UNC5D: variants seen among roughly 807,000 people sequenced by gnomAD.
UNC5D encodes unc-5 netrin receptor D, also known as netrin receptor UNC5D.
UNC5D carries 39 observed loss-of-function variants against 105.4 expected under a neutral mutation model. That is an observed-to-expected ratio of 0.37 (90% CI 0.29 to 0.48). The LOEUF is 0.48. Among genes scored for constraint, UNC5D ranks in the 20% least tolerant of loss-of-function variants. UNC5D has a pLI of 0.98. For missense variants in UNC5D, 991 were observed against 1,202.4 expected (o/e 0.82, Z 2.60); for synonymous variants, 452 against 450.4 (o/e 1.00, Z -0.04).
At chr8:35,671,653 G>T (rs1360481071) in intron 4 of UNC5D, among the ~76,000 whole-genome samples, 1 of 152,080 alleles carries the variant, frequency 6.6e-6, no homozygotes, top group Non-Finnish European at 1.5e-5. Flanking sequence ...GTTTGAATTT[G>T]GTTGTTTTGC....
At chr8:35,507,191 G>A (rs1812373756) in intron 1 of UNC5D, among the ~76,000 whole-genome samples, 1 of 149,936 alleles carries the variant, frequency 6.7e-6, no homozygotes, top group South Asian at 2.1e-4. Context: ...AAGTAGCTGG[G>A]ACTACAGGCG....
chr8:35,525,528 A>G, intron 1 of UNC5D: 11 of 1,612,300 alleles, frequency 6.8e-6, no homozygotes, highest in Non-Finnish European at 8.5e-6. Context: ...GAGTGAAGCT[A>G]GGGGAGGAGG....
At chr8:35,253,562 C>G (rs958666458) in intron 1 of UNC5D, among the ~76,000 whole-genome samples, 1 of 145,152 alleles carries the variant, frequency 6.9e-6, no homozygotes, top group Non-Finnish European at 1.5e-5. Context: ...TCTCAGCTCA[C>G]TGCAACCTCC....
At chr8:35,244,851 A>AT (rs745310550) in intron 1 of UNC5D, among the ~76,000 whole-genome samples, 44 of 145,414 alleles carry the variant, frequency 3.0e-4, no homozygotes, top group African/African-American at 4.8e-4. Context: ...TTCTCTGCAC[A>AT]TTTTTTTTTT....
In UNC5D at chr8:35,644,863, T is replaced by A. The variant is rs746741282; in HGVS notation, c.571-38684T>A. The stretch of plus-strand genomic sequence containing the variant: ...TTTATGTCTAGGATTTTCATTGACA[T>A]AGACACATATCAAAAAGTGAGACTT... On this transcript the variant is annotated intron_variant, in intron 4 of 16. Transcript: ENST00000404895. 2.0e-5 allele frequency among the ~76,000 whole-genome samples: 3 copies of A among 152,164 alleles called. No homozygotes were observed. In the South Asian group the frequency reaches 6.2e-4, roughly 31 times the overall value.
chr8:35,778,889 AAG>A (rs1411251638), intron 16 of UNC5D, among the ~76,000 whole-genome samples: 1 of 152,208 alleles, frequency 6.6e-6, no homozygotes, highest in Non-Finnish European at 1.5e-5. Flanking sequence ...AGGGAATGTA[AAG>A]TTAAAAGCTT....
chr8:35,371,146 A>G (rs1202669785), intron 1 of UNC5D, among the ~76,000 whole-genome samples: 1 of 151,470 alleles, frequency 6.6e-6, no homozygotes, highest in Non-Finnish European at 1.5e-5. Flanking sequence ...CCAGGAGCTC[A>G]AGGTTGCAGT....
intron 1 of UNC5D, among the ~76,000 whole-genome samples, chr8:35,289,415 A>C (rs1806865800): frequency 6.6e-6 from 1 of 152,246 alleles, no homozygotes; most frequent in Non-Finnish European, 1.5e-5. Context: ...ATAGCAGGGG[A>C]ATCTGAACAC....
rs76646347 is a variant in UNC5D at position 35,497,652 on chromosome 8, G to GA, written c.104-51628dup. On this transcript the variant is annotated intron_variant, in intron 1 of 16. Coordinates refer to ENST00000404895, the MANE Select transcript of UNC5D (RefSeq NM_080872.4). ...GGTAATGGAAGCATGGAGCATGGAT[G>GA]AAAAAAAAAAAAGACGGGGGAATAA... Among the ~76,000 whole-genome samples, 150 of 142,806 alleles carry GA rather than the reference G, an allele frequency of 1.1e-3. 1 individual carries two copies. Among genetic ancestry groups the GA allele is most frequent in the South Asian group, 3.6e-3 (16 of 4,420 alleles). The allele number at this position is 142,806 out of a possible 152,430, so 93.7% of individuals were successfully genotyped here.
At chr8:35,405,622 T>C (rs1300386766) in intron 1 of UNC5D, among the ~76,000 whole-genome samples, 2 of 152,164 alleles carry the variant, frequency 1.3e-5, no homozygotes, top group Non-Finnish European at 2.9e-5. Context: ...TCAGAATTAG[T>C]CTTCATTTGG....
chr8:35,755,822 G>A (rs571879838), intron 13 of UNC5D, among the ~76,000 whole-genome samples: 26 of 152,316 alleles, frequency 1.7e-4, no homozygotes, highest in African/African-American at 6.3e-4. Context: ...TTTAACAGGA[G>A]GTCCTTGTCA....
intron 1 of UNC5D, among the ~76,000 whole-genome samples, chr8:35,362,997 G>C (rs1801933686): frequency 1.3e-5 from 2 of 152,226 alleles, no homozygotes; most frequent in East Asian, 3.9e-4. Flanking sequence ...CTGGTCCAGA[G>C]TCCAATCCCG....
At chr8:35,283,433 A>C (rs114278727) in intron 1 of UNC5D, among the ~76,000 whole-genome samples, 3 of 152,272 alleles carry the variant, frequency 2.0e-5, no homozygotes, top group Non-Finnish European at 2.9e-5. Context: ...AGAGGTCCTC[A>C]AATGTGGATT....
intron 1 of UNC5D, among the ~76,000 whole-genome samples, chr8:35,248,669 T>C (rs1257636033): frequency 2.8e-4 from 28 of 99,664 alleles, no homozygotes; most frequent in African/African-American, 1.1e-3. Flanking sequence ...TATAAATATA[T>C]GTTATATATA....
At position 35,686,425 on chromosome 8, in the gene UNC5D, G is replaced by A. The variant is rs1281444338; in HGVS notation, c.920-120G>A. ...AGAAGATAAGTGGATATGTTCTTTT[G>A]TTTCTGTTTGGTGGTTATTTCCTTA... On this transcript the variant is annotated intron_variant, in intron 6 of 16. Transcript: ENST00000404895. 3 of 1,111,378 alleles carry A rather than the reference G, an allele frequency of 2.7e-6. No homozygotes were observed. In the African/African-American group the frequency reaches 4.9e-5, roughly 18 times the overall value. The allele number at this position is 1,111,378 out of a possible 1,614,324, so 68.8% of individuals were successfully genotyped here.
At position 35,794,319 on chromosome 8, in the gene UNC5D, G is replaced by C. The variant is rs1001610144; in HGVS notation, c.*3756G>C. ...TAAAGGTCACAGGAATCGTGAAGGA[G>C]CTGAGAAATCTTCCTCTCCGGCCCA... On this transcript the variant is annotated 3_prime_UTR_variant, in exon 17 of 17. Transcript: ENST00000404895. 7 of 152,180 alleles carry C rather than the reference G, an allele frequency of 4.6e-5. No homozygotes were observed. The highest frequency in any genetic ancestry group is 9.7e-5 in the African/African-American group (4 of 41,442). The allele number at this position is 152,180 out of a possible 1,614,324, so 9.4% of individuals were successfully genotyped here.
intron 1 of UNC5D, among the ~76,000 whole-genome samples, chr8:35,495,371 G>C (rs1287807072): frequency 6.8e-6 from 1 of 146,448 alleles, no homozygotes; most frequent in Non-Finnish European, 1.5e-5. Context: ...CAATCTTTTA[G>C]CTTCCCTGGG....
intron 1 of UNC5D, among the ~76,000 whole-genome samples, chr8:35,455,644 A>C (rs1808439757): frequency 6.6e-6 from 1 of 151,982 alleles, no homozygotes; most frequent in African/African-American, 2.4e-5. Flanking sequence ...TGATAAAAAC[A>C]TACCTGAGAC....
At position 35,554,803 on chromosome 8, in the gene UNC5D, A is replaced by G. The variant is rs1007361520; in HGVS notation, c.322+5293A>G. ...AATGAGTGAAATAATGTGTATTCCA[A>G]TGTGTTATGAGAAAGTCTCAACTCT... On this transcript the variant is annotated intron_variant, in intron 2 of 16. Coordinates refer to ENST00000404895, the MANE Select transcript of UNC5D (RefSeq NM_080872.4). Among the ~76,000 whole-genome samples, 85 of 152,170 alleles carry G rather than the reference A, an allele frequency of 5.6e-4. 1 individual carries two copies. Among genetic ancestry groups the G allele is most frequent in the Admixed American group, 2.3e-3 (35 of 15,272 alleles).
Sources: gnomAD v4.1 joint callset for allele counts (sites outside exome capture counted in the v4.1 genomes callset) on GRCh38, gnomAD v4.1.1 for gene constraint, MANE v1.5 for transcripts, NCBI Gene and HGNC (gene_info 2026-07-23, HGNC 2026-07-21) for gene names.